CLNK: variants seen among roughly 807,000 people sequenced by gnomAD.
CLNK encodes cytokine-dependent hematopoietic cell linker.
CLNK carries 74 observed loss-of-function variants against 68.6 expected under a neutral mutation model. The ratio of observed to expected loss-of-function variants is 1.08; its 90% CI spans 0.89 to 1.31. CLNK has a LOEUF of 1.31. Among genes scored for constraint, CLNK ranks in the 50% most tolerant of loss-of-function variants. CLNK has a pLI of 0.00. For missense variants in CLNK, 553 were observed against 515.3 expected, an observed-to-expected ratio of 1.07 and a Z score of -0.71; for synonymous variants, 198 against 172.2, an observed-to-expected ratio of 1.15 and a Z score of -1.17.
the CLNK span, among the ~76,000 whole-genome samples, chr4:10,695,063 A>G: frequency 2.0e-5 from 3 of 152,182 alleles, no homozygotes; most frequent in Non-Finnish European, 4.4e-5. Context: ...AAGGGGAGAT[A>G]TTGATCACAG....
chr4:10,720,456 T>C, the CLNK span, among the ~76,000 whole-genome samples: 1 of 151,942 alleles, frequency 6.6e-6, no homozygotes, highest in African/African-American at 2.4e-5. Flanking sequence ...CGGAAGAGGA[T>C]ACGCAGATGA....
At chr4:10,676,340 G>T (rs1724871706) in intron 1 of CLNK, among the ~76,000 whole-genome samples, 1 of 150,546 alleles carries the variant, frequency 6.6e-6, no homozygotes, top group Non-Finnish European at 1.5e-5. Context: ...AATTTTATTG[G>T]ATTTCCATTG....
intron 4 of CLNK, among the ~76,000 whole-genome samples, chr4:10,578,612 A>C (rs1310206452): frequency 1.7e-5 from 1 of 59,446 alleles, no homozygotes. Context: ...TTTGAGATGG[A>C]GTTTTGCTCT....
intron 5 of CLNK, among the ~76,000 whole-genome samples, chr4:10,569,916 G>C (rs1407862582): frequency 6.6e-6 from 1 of 152,196 alleles, no homozygotes; most frequent in Non-Finnish European, 1.5e-5. Flanking sequence ...CTCAGTACCT[G>C]TTGGATCTTT....
chr4:10,531,751 T>C, intron 12 of CLNK: 1 of 456,796 alleles, frequency 2.2e-6, no homozygotes, highest in Non-Finnish European at 4.4e-6. Flanking sequence ...CCCATCCCTA[T>C]TTTATGGCTG....
chr4:10,572,741 C>G (rs1486195137), intron 4 of CLNK, among the ~76,000 whole-genome samples: 1 of 152,180 alleles, frequency 6.6e-6, no homozygotes, highest in Admixed American at 6.5e-5. Context: ...TGAATTTCAT[C>G]TAAGTATTGT....
chr4:10,632,821 C>T (rs557527289), intron 2 of CLNK, among the ~76,000 whole-genome samples: 2 of 152,194 alleles, frequency 1.3e-5, no homozygotes, highest in Non-Finnish European at 2.9e-5. Context: ...CTTTTGCATT[C>T]GTCATGTATT....
rs138207515 is a variant in CLNK, at chr4:10,602,360, C to T, written c.12-4311G>A. 6.6e-5 allele frequency among the ~76,000 whole-genome samples: 10 copies of T among 152,294 alleles called. No homozygotes were observed. The South Asian group carries it at 1.9e-3, about 28-fold the overall frequency. Reference sequence around the variant, plus strand: ...TACATGTGACCTTATTTGGAAAAAGCGTCTTTAGCAATGTAACTAAGCTAA... The same window carrying T: ...TACATGTGACCTTATTTGGAAAAAGTGTCTTTAGCAATGTAACTAAGCTAA... On this transcript the variant is annotated intron_variant, in intron 2 of 18. Coordinates refer to ENST00000226951, the MANE Select transcript of CLNK (RefSeq NM_052964.4).
At chr4:10,526,251 C>CTCAT (rs369141328) in intron 13 of CLNK, among the ~76,000 whole-genome samples, 3 of 152,118 alleles carry the variant, frequency 2.0e-5, no homozygotes, top group African/African-American at 7.2e-5. Flanking sequence ...TAGCTTCCTC[C>CTCAT]TCATTCATTC....
At chr4:10,652,150 G>C (rs1473863595) in intron 2 of CLNK, among the ~76,000 whole-genome samples, 1 of 151,980 alleles carries the variant, frequency 6.6e-6, no homozygotes, top group African/African-American at 2.4e-5. Flanking sequence ...GGAGGCCAAG[G>C]TGGGTGGATC....
the CLNK span, among the ~76,000 whole-genome samples, chr4:10,696,558 C>T: frequency 2.0e-5 from 3 of 152,254 alleles, no homozygotes; most frequent in African/African-American, 7.2e-5. Flanking sequence ...ACTCTTTGCC[C>T]TTTTGTCCTC....
At chr4:10,651,792 C>T (rs1386175411) in intron 2 of CLNK, among the ~76,000 whole-genome samples, 1 of 151,840 alleles carries the variant, frequency 6.6e-6, no homozygotes, top group Non-Finnish European at 1.5e-5. Context: ...TTGAAAGTTC[C>T]ATTATTACTC....
At chr4:10,616,267 C>T (rs1404165916) in intron 2 of CLNK, among the ~76,000 whole-genome samples, 1 of 152,120 alleles carries the variant, frequency 6.6e-6, no homozygotes, top group Admixed American at 6.6e-5. Flanking sequence ...GTACTTACAC[C>T]ACAGAAATTG....
the CLNK span, among the ~76,000 whole-genome samples, chr4:10,718,549 T>G: frequency 3.3e-5 from 5 of 151,518 alleles, no homozygotes; most frequent in African/African-American, 1.2e-4. Flanking sequence ...TCTAGTAAAA[T>G]ATCTTTCAGG....
intron 1 of CLNK, among the ~76,000 whole-genome samples, chr4:10,674,403 G>T (rs73103729): frequency 0.013 from 2,016 of 152,298 alleles, 47 homozygotes; most frequent in African/African-American, 0.045. Context: ...CAATAAAATT[G>T]CCTGAGTGTA....
At chr4:10,668,215 C>T (rs955930587) in intron 1 of CLNK, among the ~76,000 whole-genome samples, 16 of 152,250 alleles carry the variant, frequency 1.1e-4, no homozygotes, top group Admixed American at 9.2e-4. Context: ...CCCTGGGCAC[C>T]GAGGGCACGT....
intron 2 of CLNK, among the ~76,000 whole-genome samples, chr4:10,653,275 C>T (rs986531700): frequency 2.0e-5 from 3 of 151,886 alleles, no homozygotes; most frequent in Admixed American, 1.3e-4. Context: ...ACCACCATGG[C>T]ATGTGTATAC....
chr4:10,717,226 T>C, the CLNK span, among the ~76,000 whole-genome samples: 1 of 152,154 alleles, frequency 6.6e-6, no homozygotes, highest in Non-Finnish European at 1.5e-5. Context: ...CCATGTAGGA[T>C]ACCTAGACTT....
chr4:10,614,794 C>A lies in CLNK; in HGVS notation c.12-16745G>T, dbSNP rs112203910. ...GATCAAAAAATCAATACATAAAGAG[C>A]CTTGTTGTGATTGTTTCCTATGAGT... On this transcript the variant is annotated intron_variant, in intron 2 of 18. Transcript: ENST00000226951. Among the ~76,000 whole-genome samples the A allele has an allele frequency of 1.7e-3, 262 of 152,272 alleles. 1 individual carries two copies. The highest frequency in any genetic ancestry group is 6.0e-3 in the African/African-American group (248 of 41,556).
Sources: gnomAD v4.1 joint callset for allele counts (sites outside exome capture counted in the v4.1 genomes callset) on GRCh38, gnomAD v4.1.1 for gene constraint, MANE v1.5 for transcripts, NCBI Gene and HGNC (gene_info 2026-07-23, HGNC 2026-07-21) for gene names.